The following TMPRSS5 variants were observed in gnomAD, a reference collection of about 807,000 sequenced individuals.
TMPRSS5 encodes the protein transmembrane serine protease 5.
TMPRSS5 carries 45 observed loss-of-function variants against 59.7 expected under a neutral mutation model. The observed-to-expected ratio is 0.75, with a 90% CI of 0.59 to 0.97. The LOEUF is 0.97. Among genes scored for constraint, TMPRSS5 ranks in the 50% least tolerant of loss-of-function variants. The pLI, the probability that TMPRSS5 is intolerant of heterozygous loss-of-function variation, is 0.00. For synonymous variants in TMPRSS5, 225 were observed against 232.0 expected (o/e 0.97, Z 0.27); for missense variants, 585 against 596.7 (o/e 0.98, Z 0.20).
intron 9 of TMPRSS5, chr11:113,691,144 G>A (rs1952769071): frequency 3.5e-6 from 2 of 579,624 alleles, no homozygotes; most frequent in Admixed American, 3.1e-5. Flanking sequence ...ACAGAGGACA[G>A]CATGCAAACT....
chr11:113,698,869 G>C, intron 4 of TMPRSS5, 36 bp downstream of exon 4: 1 of 1,566,780 alleles, frequency 6.4e-7, no homozygotes, highest in South Asian at 1.2e-5. Flanking sequence ...GTCCCTGCTG[G>C]GGAGGGAGGC....
intron 9 of TMPRSS5, among the ~76,000 whole-genome samples, chr11:113,692,037 G>C (rs896740806): frequency 1.3e-5 from 2 of 151,860 alleles, no homozygotes; most frequent in Non-Finnish European, 2.9e-5. Flanking sequence ...ACAGGCATGA[G>C]CTACCACACC....
chr11:113,696,985 G>T lies in TMPRSS5; in HGVS notation c.465-14C>A. On this transcript the variant is annotated splice_polypyrimidine_tract_variant and intron_variant, in intron 5 of 12. Transcript: ENST00000299882. ...TGGTGAGTGAGTCTTGGCAGAAGAA[G>T]GGAATAGAACAGGAGGAAATCATAA... 1 of 1,543,088 alleles carries T rather than the reference G, an allele frequency of 6.5e-7. No homozygotes were observed. The highest frequency in any genetic ancestry group is 2.4e-5 in the East Asian group (1 of 42,152).
At chr11:113,694,244 C>CAA (rs1285209758) in intron 8 of TMPRSS5, 24,691 of 201,786 alleles carry the variant, frequency 0.12, 498 homozygotes, top group Non-Finnish European at 0.14. Context: ...GACTCTGTCT[C>CAA]AAAAAAAAAA....
chr11:113,700,980 C>A (rs928014610), intron 1 of TMPRSS5, among the ~76,000 whole-genome samples: 3 of 152,224 alleles, frequency 2.0e-5, no homozygotes, highest in Admixed American at 6.5e-5. Flanking sequence ...CCTCTCCACT[C>A]TGCACTTCTC....
chr11:113,688,703 T>C (rs1952672577), intron 12 of TMPRSS5, among the ~76,000 whole-genome samples: 1 of 152,120 alleles, frequency 6.6e-6, no homozygotes, highest in Admixed American at 6.5e-5. Flanking sequence ...CCCAAGTAGC[T>C]GGGTGCGTGC....
chr11:113,689,854 T>A lies in TMPRSS5; in HGVS notation c.1270A>T (p.Ser424Cys). The change falls in exon 12 of 13, where the codon AGC (serine) becomes TGC (cysteine). Residue 424 changes from serine (S) to cysteine (C), a missense_variant. By Grantham distance (112) the Ser-to-Cys change is moderately radical. Coordinates refer to ENST00000299882, the MANE Select transcript of TMPRSS5 (RefSeq NM_030770.4). The stretch of plus-strand genomic sequence containing the variant: ...GGCTCTGCGCAGCCACGCCCCCAGC[T>A]GACCACCCCCACTAGGCGCCATGTG... ...GDTWRLVGVV[S>C]WGRGCAEPNH... 1 of 1,588,486 alleles carries A rather than the reference T, an allele frequency of 6.3e-7. No homozygotes were observed. The highest frequency in any genetic ancestry group is 1.2e-5 in the South Asian group (1 of 86,752).
chr11:113,704,296 AT>A (rs1953225469), intron 1 of TMPRSS5, among the ~76,000 whole-genome samples: 1 of 152,208 alleles, frequency 6.6e-6, no homozygotes. Context: ...CAATTTTCTC[AT>A]TTGTAAAATA....
At chr11:113,694,089 G>A (rs572366513) in intron 8 of TMPRSS5, among the ~76,000 whole-genome samples, 1 of 152,118 alleles carries the variant, frequency 6.6e-6, no homozygotes, top group African/African-American at 2.4e-5. Context: ...CCAACATGGC[G>A]AAACCCCATC....
chr11:113,699,283 C>G, intron 3 of TMPRSS5, among the ~76,000 whole-genome samples: 1 of 140,684 alleles, frequency 7.1e-6, no homozygotes, highest in Non-Finnish European at 1.5e-5. Context: ...CTCTCTCTCT[C>G]TCTCTCTCTG....
chr11:113,694,852 C>T (rs2134799408), intron 7 of TMPRSS5, among the ~76,000 whole-genome samples: 1 of 152,298 alleles, frequency 6.6e-6, no homozygotes, highest in South Asian at 2.1e-4. Context: ...CCACTGAAAG[C>T]AGAAACTGTA....
rs11600570 is a variant in TMPRSS5, at chr11:113,693,290, G to A, written c.786-41C>T. Reference sequence around the variant, plus strand: ...ATGCTGAGCGGGGAAGGAAGGGGCAGAAGAGGTGTTCCTAAGCAAGGTAGC... The same window carrying A: ...ATGCTGAGCGGGGAAGGAAGGGGCAAAAGAGGTGTTCCTAAGCAAGGTAGC... On this transcript the variant is annotated intron_variant, in intron 8 of 12. Transcript: ENST00000299882. The A allele has an allele frequency of 0.1, 151,551 of 1,474,452 alleles. 8,622 individuals carry two copies. Among genetic ancestry groups the A allele is most frequent in the Non-Finnish European group, 0.12 (129,940 of 1,111,740 alleles). The allele number at this position is 1,474,452 out of a possible 1,614,324, so 91.3% of individuals were successfully genotyped here.
intron 1 of TMPRSS5, among the ~76,000 whole-genome samples, chr11:113,701,582 T>C (rs550065981): frequency 6.6e-6 from 1 of 151,514 alleles, no homozygotes; most frequent in African/African-American, 2.4e-5. Context: ...CTTTGACAAA[T>C]GTGTACACCC....
At chr11:113,699,371 G>A (rs1163431014) in intron 3 of TMPRSS5, among the ~76,000 whole-genome samples, 1 of 150,656 alleles carries the variant, frequency 6.6e-6, no homozygotes, top group East Asian at 2.0e-4. Flanking sequence ...TCTCTCACTG[G>A]GAAAGATTTC....
rs891787025 is a variant in TMPRSS5, at chr11:113,695,443, C to A, written c.579G>T (p.Arg193Ser). 2 of 1,613,926 alleles carry A rather than the reference C, an allele frequency of 1.2e-6. No homozygotes were observed. The highest frequency in any genetic ancestry group is 3.3e-5 in the Admixed American group (2 of 60,010). Reference sequence around the variant, plus strand: ...CAACTTGACCAGAAGTGCAGTTGTTCCTGCAAAACAGAGGTACCAACAAGA... The same window carrying A: ...CAACTTGACCAGAAGTGCAGTTGTTACTGCAAAACAGAGGTACCAACAAGA... Reference protein sequence around the residue: ...GGFLEEAWQPRNNCTSGQVVS... With the variant: ...GGFLEEAWQPSNNCTSGQVVS... Residue 193 changes from arginine to serine, a missense_variant and splice_region_variant, in exon 7 of 13, where the codon AGG (arginine) becomes AGT (serine). Arg to Ser is a moderately radical substitution (Grantham distance 110). Coordinates refer to ENST00000299882, the MANE Select transcript of TMPRSS5 (RefSeq NM_030770.4).
intron 10 of TMPRSS5, 55 bp downstream of exon 10, chr11:113,690,786 G>A: frequency 1.3e-6 from 2 of 1,486,808 alleles, no homozygotes; most frequent in Non-Finnish European, 1.8e-6. Flanking sequence ...CTCACCCTGG[G>A]GAAGAATGCC....
chr11:113,697,421 GA>G lies in TMPRSS5; in HGVS notation c.329-4del. 2.5e-6 allele frequency: 4 copies of G among 1,613,554 alleles called. No individual in the cohort carries two copies. The highest frequency in any genetic ancestry group is 3.4e-6 in the Non-Finnish European group (4 of 1,179,586). ...TTCGCTGTTTATTCTGAAAGATACT[GA>G]AATCACAGCATGAAAACCACATGGG... is the stretch of plus-strand genomic sequence containing the variant. On this transcript the variant is annotated splice_polypyrimidine_tract_variant and splice_region_variant and intron_variant, in intron 4 of 12. Transcript: ENST00000299882.
intron 3 of TMPRSS5, 107 bp downstream of exon 3, chr11:113,699,488 C>G (rs1012516832): frequency 7.8e-6 from 7 of 903,044 alleles, no homozygotes; most frequent in Non-Finnish European, 1.2e-5. Flanking sequence ...CTTGTCTGCA[C>G]AGAGTAGTTG....
Position 113,699,041 on chromosome 11 carries a change from C to A in TMPRSS5, c.206-14G>T. The A allele has an allele frequency of 6.2e-7, 1 of 1,609,914 alleles. No individual in the cohort carries two copies. The highest frequency in any genetic ancestry group is 8.5e-7 in the Non-Finnish European group (1 of 1,178,034). ...ACAGATACAGCACTTTAGAGAAGAA[C>A]AAAGAGAAAGGGTCTGATTTCCAAA... On this transcript the variant is annotated splice_polypyrimidine_tract_variant and intron_variant, in intron 3 of 12. Coordinates refer to ENST00000299882, the MANE Select transcript of TMPRSS5 (RefSeq NM_030770.4).
Sources: gnomAD v4.1 joint callset for allele counts (sites outside exome capture counted in the v4.1 genomes callset) on GRCh38, gnomAD v4.1.1 for gene constraint, MANE v1.5 for transcripts, NCBI Gene and HGNC (gene_info 2026-07-23, HGNC 2026-07-21) for gene names.